RBM41: variants seen among roughly 807,000 people sequenced by gnomAD.
The protein encoded by RBM41 is RNA binding motif protein 41, also known as RNA-binding protein 41.
RBM41 carries 14 observed loss-of-function variants against 30.8 expected under a neutral mutation model. The observed-to-expected ratio is 0.45, with a 90% CI of 0.30 to 0.71. The LOEUF (loss-of-function observed/expected upper bound fraction) is 0.71. Among genes scored for constraint, RBM41 ranks in the 30% least tolerant of loss-of-function variants. RBM41 has a pLI of 0.08. For missense variants in RBM41, 276 were observed against 326.3 expected, an observed-to-expected ratio of 0.85 and a Z score of 1.19; for synonymous variants, 120 against 110.1, an observed-to-expected ratio of 1.09 and a Z score of -0.56.
At position 107,117,778 on chromosome X, in the gene RBM41, G is replaced by A. The variant is rs190944675; in HGVS notation, c.8+988C>T. Among the ~76,000 whole-genome samples, 15 of 111,721 alleles carry A rather than the reference G, an allele frequency of 1.3e-4. No homozygotes were observed. The East Asian group carries it at 4.2e-3, about 31-fold the overall frequency. On this transcript the variant is annotated intron_variant, in intron 1 of 7. Transcript: ENST00000685964. ...AGGGAATTAATAACACAAAATTCCG[G>A]ATAGTGGTCACCTCAGGGGGGAACG...
At chrX:107,115,640 C>T in intron 3 of RBM41, 84 bp from the exon 4 acceptor site, 28 of 949,570 alleles carry the variant, frequency 2.9e-5, no homozygotes, top group Non-Finnish European at 3.8e-5. Flanking sequence ...AAAAAGATGA[C>T]CTAGGCCCAG....
At chrX:107,069,218 G>A (rs1193577437) in intron 7 of RBM41, 37 bp downstream of exon 7, 3 of 1,134,563 alleles carry the variant, frequency 2.6e-6, no homozygotes, top group South Asian at 4.0e-5. Context: ...AGCGAACTGA[G>A]GGGCAACTGA....
intron 6 of RBM41, among the ~76,000 whole-genome samples, chrX:107,072,385 C>G (rs1423713595): frequency 9.0e-6 from 1 of 111,177 alleles, no homozygotes; most frequent in East Asian, 2.8e-4. Flanking sequence ...ATCAAGAAAG[C>G]AATCTCATTT....
At chrX:107,118,744 T>A in intron 1 of RBM41, 22 bp downstream of exon 1, 2 of 1,211,707 alleles carry the variant, frequency 1.7e-6, no homozygotes, top group Admixed American at 2.2e-5. Context: ...CCTTGCCGCC[T>A]GCTCTTCAGA....
rs145820641 is a variant in RBM41 at position 107,076,840 on chromosome X, C to T, written c.1000-7438G>A. 6.1e-3 allele frequency among the ~76,000 whole-genome samples: 679 copies of T among 111,099 alleles called. 6 individuals are homozygous for T. Among genetic ancestry groups the T allele is most frequent in the African/African-American group, 0.021 (647 of 30,516 alleles). On this transcript the variant is annotated intron_variant, in intron 6 of 7. Transcript: ENST00000685964. The stretch of plus-strand genomic sequence containing the variant: ...AGGCAGGAGCAGCAAAAGCAAAGAA[C>T]AAGCAAATATACCTCTTAAATGACT...
At chrX:107,099,690 T>TACACACAC (rs58279760) in intron 5 of RBM41, among the ~76,000 whole-genome samples, 67 of 92,536 alleles carry the variant, frequency 7.2e-4, no homozygotes, top group African/African-American at 2.0e-3. Flanking sequence ...TCCTGAAAGG[T>TACACACAC]ACACACACAC....
the RBM41 span, among the ~76,000 whole-genome samples, chrX:107,055,992 T>C: frequency 8.9e-6 from 1 of 112,335 alleles, no homozygotes; most frequent in Non-Finnish European, 1.9e-5. Flanking sequence ...TCCCCTATGA[T>C]CAGGTGGAAG....
chrX:107,091,303 A>G (rs1922521000), intron 5 of RBM41, among the ~76,000 whole-genome samples: 1 of 112,070 alleles, frequency 8.9e-6, no homozygotes, highest in Admixed American at 9.5e-5. Context: ...TATCACCAAT[A>G]AAACTGCTGA....
chrX:107,100,357 T>C (rs1923345481), intron 5 of RBM41, among the ~76,000 whole-genome samples: 1 of 110,425 alleles, frequency 9.1e-6, no homozygotes, highest in Non-Finnish European at 1.9e-5. Context: ...CCAGGGGTGA[T>C]GGCAAACGTC....
intron 5 of RBM41, among the ~76,000 whole-genome samples, chrX:107,104,909 T>C (rs1261775474): frequency 9.0e-6 from 1 of 110,983 alleles, no homozygotes; most frequent in Admixed American, 9.6e-5. Context: ...ACAGCCAATA[T>C]CATACTGAAT....
intron 6 of RBM41, among the ~76,000 whole-genome samples, chrX:107,081,513 ATAAACTTAGAT>A (rs1288859151): frequency 8.9e-6 from 1 of 111,750 alleles, no homozygotes; most frequent in East Asian, 2.8e-4. Context: ...GTCTTTTCAT[ATAAACTTAGAT>A]TAAGTTCCTA....
chrX:107,082,613 T>TA (rs1296617843), intron 6 of RBM41, among the ~76,000 whole-genome samples: 7 of 111,333 alleles, frequency 6.3e-5, no homozygotes, highest in Non-Finnish European at 1.3e-4. Flanking sequence ...AAAAAGACTG[T>TA]AAAAAATGAG....
At chrX:107,112,242 T>C (rs767726022) in intron 5 of RBM41, among the ~76,000 whole-genome samples, 13 of 111,567 alleles carry the variant, frequency 1.2e-4, no homozygotes, top group African/African-American at 4.2e-4. Context: ...ACAGACACTT[T>C]AGCAAACAGG....
intron 6 of RBM41, among the ~76,000 whole-genome samples, chrX:107,086,568 A>G (rs901802759): frequency 8.9e-6 from 1 of 111,879 alleles, no homozygotes; most frequent in Admixed American, 9.5e-5. Flanking sequence ...TGTCACATAT[A>G]CACAAACACA....
rs1924903122 is a variant in RBM41, at chrX:107,116,731, A to G, written c.44T>C (p.Leu15Pro). 2 of 1,211,120 alleles carry G rather than the reference A, an allele frequency of 1.7e-6. No homozygotes were observed. Among genetic ancestry groups the G allele is most frequent in the Non-Finnish European group, 1.1e-6 (1 of 895,424 alleles). The change falls in exon 2 of 8, where the codon CTG (leucine) becomes CCG (proline). Residue 15 changes from leucine to proline, a missense_variant. By Grantham distance (98) the Leu-to-Pro change is moderately conservative. Transcript: ENST00000685964. The part of the protein sequence containing the change: ...NSCVKSDEHV[L>P]EELETEGERQ... ...CTCCCCTTCTGTTTCCAGCTCCTCC[A>G]GGACATGCTCATCACTCTTCACACA...
rs200816405 is a variant in RBM41 at position 107,080,587 on chromosome X, G to GAAACAAAACAAAACAAAACA, written c.999+7829_999+7848dup. 2.1e-3 allele frequency among the ~76,000 whole-genome samples: 222 copies of GAAACAAAACAAAACAAAACA among 106,208 alleles called. 2 individuals are homozygous for GAAACAAAACAAAACAAAACA. In the East Asian group the frequency reaches 0.053, roughly 26 times the overall value. 92.2% of individuals were successfully genotyped at this position (106,208 alleles called of 115,157 possible). On this transcript the variant is annotated intron_variant, in intron 6 of 7. Coordinates refer to ENST00000685964, the MANE Select transcript of RBM41 (RefSeq NM_001324242.2). ...AGAGCGAGACTCTGCCTCAAAACAC[G>GAAACAAAACAAAACAAAACA]AAACAAAACAAAACAAAACAAAACA...
At chrX:107,112,790 T>C in intron 5 of RBM41, 1 of 321,065 alleles carries the variant, frequency 3.1e-6, no homozygotes, top group Non-Finnish European at 6.0e-6. Context: ...CAAGGTTACA[T>C]GTTGTGTGAT....
At chrX:107,118,028 T>C (rs1015963440) in intron 1 of RBM41, among the ~76,000 whole-genome samples, 2 of 111,965 alleles carry the variant, frequency 1.8e-5, no homozygotes, top group Non-Finnish European at 3.8e-5. Context: ...CAGGAAAGCA[T>C]ATCAGTAAGA....
At position 107,067,654 on chromosome X, in the gene RBM41, C is replaced by A; in HGVS notation, c.1187G>T (p.Gly396Val). ...CAATATTTTCCCATGTAGTTTGTAT[C>A]CATTTACTAGATGCAATGCTTGCCA... Reference protein sequence around the residue: ...IAWQALHLVNGYKLHGKILVI... With the variant: ...IAWQALHLVNVYKLHGKILVI... Residue 396 changes from glycine (G) to valine (V), a missense_variant, in exon 8 of 8, where the codon GGA becomes GTA. Gly to Val is a moderately radical substitution (Grantham distance 109). Transcript: ENST00000685964. 8.3e-7 allele frequency: 1 copy of A among 1,208,107 alleles called. No homozygotes were observed. The highest frequency in any genetic ancestry group is 1.1e-6 in the Non-Finnish European group (1 of 893,852).
Sources: gnomAD v4.1 joint callset for allele counts (sites outside exome capture counted in the v4.1 genomes callset) on GRCh38, gnomAD v4.1.1 for gene constraint, MANE v1.5 for transcripts, NCBI Gene and HGNC (gene_info 2026-07-23, HGNC 2026-07-21) for gene names.